LPAR3: variants seen among roughly 807,000 people sequenced by gnomAD.
The protein encoded by LPAR3 is lysophosphatidic acid receptor 3, also known as LPA receptor 3.
In LPAR3, 7 loss-of-function variants were observed where a neutral mutation model predicts 17.8. The ratio of observed to expected loss-of-function variants is 0.39; its 90% CI spans 0.22 to 0.74. The LOEUF is 0.74. Among genes scored for constraint, LPAR3 ranks in the 30% least tolerant of loss-of-function variants. The pLI is 0.40. For synonymous variants in LPAR3, 179 were observed against 179.9 expected (o/e 0.99, Z 0.04); for missense variants, 391 against 453.4 (o/e 0.86, Z 1.25).
chr1:84,859,374 G>A (rs938433563), intron 2 of LPAR3, among the ~76,000 whole-genome samples: 1 of 152,134 alleles, frequency 6.6e-6, no homozygotes, highest in African/African-American at 2.4e-5. Flanking sequence ...AGGAAGAAGT[G>A]AGAAGAAAAA....
chr1:84,875,519 C>G (rs976343267), intron 1 of LPAR3, among the ~76,000 whole-genome samples: 1 of 152,328 alleles, frequency 6.6e-6, no homozygotes, highest in East Asian at 1.9e-4. Context: ...CTCTCTGTCT[C>G]GCATGCTCGC....
intron 2 of LPAR3, among the ~76,000 whole-genome samples, chr1:84,824,931 T>C (rs563030720): frequency 6.6e-6 from 1 of 152,298 alleles, no homozygotes; most frequent in South Asian, 2.1e-4. Context: ...CTTAGCCAAA[T>C]GCTATACACC....
intron 2 of LPAR3, among the ~76,000 whole-genome samples, chr1:84,830,371 G>A (rs1268139635): frequency 1.3e-5 from 2 of 151,338 alleles, no homozygotes; most frequent in African/African-American, 4.9e-5. Context: ...AAATTAGCTG[G>A]GACTTCCATC....
chr1:84,840,430 TA>T (rs1399081778), intron 2 of LPAR3, among the ~76,000 whole-genome samples: 5 of 152,186 alleles, frequency 3.3e-5, no homozygotes, highest in African/African-American at 1.2e-4. Context: ...AGGATTCCTT[TA>T]AAAAATCTTA....
intron 2 of LPAR3, among the ~76,000 whole-genome samples, chr1:84,862,133 T>C (rs979064323): frequency 6.6e-6 from 1 of 152,202 alleles, no homozygotes; most frequent in Admixed American, 6.5e-5. Flanking sequence ...AGCAAATGAT[T>C]ATGCCTACAA....
chr1:84,848,927 C>T (rs1283848027), intron 2 of LPAR3, among the ~76,000 whole-genome samples: 5 of 152,186 alleles, frequency 3.3e-5, no homozygotes, highest in East Asian at 1.9e-4. Flanking sequence ...AAACTCAGTA[C>T]GTCTCTGGAG....
chr1:84,849,794 G>A (rs1659668140), intron 2 of LPAR3, among the ~76,000 whole-genome samples: 1 of 152,148 alleles, frequency 6.6e-6, no homozygotes, highest in Non-Finnish European at 1.5e-5. Context: ...AAACCAAGGA[G>A]GCTGATCAGA....
intron 2 of LPAR3, among the ~76,000 whole-genome samples, chr1:84,816,846 A>G (rs895033414): frequency 9.2e-5 from 14 of 152,180 alleles, no homozygotes; most frequent in Non-Finnish European, 2.1e-4. Context: ...TTTACTTGAA[A>G]AGAAGGCTTG....
In LPAR3 at chr1:84,825,794, C is replaced by T. The variant is rs142814484; in HGVS notation, c.737-11623G>A. On this transcript the variant is annotated intron_variant, in intron 2 of 2. Transcript: ENST00000370611. ...CCAGGAGGCCGGGCCTACTATCCTGCCTTGGTCATCAGTACGGTGCGCAAA... is the reference window on the plus strand; with the variant it reads ...CCAGGAGGCCGGGCCTACTATCCTGTCTTGGTCATCAGTACGGTGCGCAAA... Among the ~76,000 whole-genome samples, 799 of 152,288 alleles carry T rather than the reference C, an allele frequency of 5.2e-3. 3 individuals are homozygous for T. The highest frequency in any genetic ancestry group is 0.017 in the African/African-American group (720 of 41,560).
At chr1:84,837,308 A>G (rs550741905) in intron 2 of LPAR3, among the ~76,000 whole-genome samples, 2 of 152,356 alleles carry the variant, frequency 1.3e-5, no homozygotes, top group African/African-American at 2.4e-5. Flanking sequence ...GGCGTAAGCC[A>G]CCGCTCCTGG....
rs530827725 is a variant in LPAR3, at chr1:84,812,994, C to G, written c.*852G>C. 1 of 151,520 alleles carries G rather than the reference C, an allele frequency of 6.6e-6. No homozygotes were observed. The highest frequency in any genetic ancestry group is 2.4e-5 in the African/African-American group (1 of 41,256). The allele number at this position is 151,520 out of a possible 1,614,324, so 9.4% of individuals were successfully genotyped here. On this transcript the variant is annotated 3_prime_UTR_variant, in exon 3 of 3. Transcript: ENST00000370611. The stretch of plus-strand genomic sequence containing the variant: ...AGAACTAATGTGGACTGGCGGGAGG[C>G]AGTCTGGGGCGGTAACCCCGTATCT...
intron 2 of LPAR3, among the ~76,000 whole-genome samples, chr1:84,860,288 G>T (rs1382120255): frequency 6.6e-6 from 1 of 152,152 alleles, no homozygotes; most frequent in East Asian, 1.9e-4. Flanking sequence ...TCCCAAAGCT[G>T]GAAAGGAACA....
chr1:84,858,666 C>T (rs1429188199), intron 2 of LPAR3, among the ~76,000 whole-genome samples: 1 of 152,082 alleles, frequency 6.6e-6, no homozygotes, highest in Non-Finnish European at 1.5e-5. Context: ...CCTCAATTTC[C>T]TCATTTATTC....
At chr1:84,850,242 C>T (rs1659675203) in intron 2 of LPAR3, among the ~76,000 whole-genome samples, 1 of 151,864 alleles carries the variant, frequency 6.6e-6, no homozygotes, top group Non-Finnish European at 1.5e-5. Flanking sequence ...TAACCAGCCA[C>T]CGCACAAAGG....
At chr1:84,888,620 G>A (rs1296923297) in intron 1 of LPAR3, among the ~76,000 whole-genome samples, 1 of 152,192 alleles carries the variant, frequency 6.6e-6, no homozygotes, top group African/African-American at 2.4e-5. Flanking sequence ...GGCTTAAAAG[G>A]GGAGACCAGG....
At chr1:84,883,250 G>A (rs1490184351) in intron 1 of LPAR3, among the ~76,000 whole-genome samples, 1 of 152,116 alleles carries the variant, frequency 6.6e-6, no homozygotes, top group Non-Finnish European at 1.5e-5. Flanking sequence ...TGGGGAAAAG[G>A]GACCCCAACA....
At chr1:84,876,970 G>A (rs1660271697) in intron 1 of LPAR3, among the ~76,000 whole-genome samples, 1 of 152,126 alleles carries the variant, frequency 6.6e-6, no homozygotes, top group African/African-American at 2.4e-5. Flanking sequence ...ATAAATGAGT[G>A]ATCTACCCAT....
chr1:84,877,744 A>G (rs1660285464), intron 1 of LPAR3, among the ~76,000 whole-genome samples: 1 of 152,188 alleles, frequency 6.6e-6, no homozygotes, highest in African/African-American at 2.4e-5. Flanking sequence ...GTCCCCTGAC[A>G]TTGCACTGTA....
At chr1:84,819,609 A>T (rs1381559298) in intron 2 of LPAR3, among the ~76,000 whole-genome samples, 3 of 152,242 alleles carry the variant, frequency 2.0e-5, no homozygotes, top group Non-Finnish European at 4.4e-5. Flanking sequence ...GAGAGGGAGC[A>T]CAGTTTTTTC....
Sources: gnomAD v4.1 joint callset for allele counts (sites outside exome capture counted in the v4.1 genomes callset) on GRCh38, gnomAD v4.1.1 for gene constraint, MANE v1.5 for transcripts, NCBI Gene and HGNC (gene_info 2026-07-23, HGNC 2026-07-21) for gene names.